The following ARL4A variants were observed in gnomAD, a reference collection of about 807,000 sequenced individuals.
ARL4A encodes ADP-ribosylation factor-like protein 4A.
In ARL4A, 5 loss-of-function variants were observed where a neutral mutation model predicts 13.9. The ratio of observed to expected loss-of-function variants is 0.36; its 90% confidence interval spans 0.19 to 0.75. ARL4A has a LOEUF of 0.75. Ranked by LOEUF, ARL4A falls within the 30% of genes least tolerant of loss-of-function variation. The probability of loss-of-function intolerance (pLI) is 0.53; values close to 1 mark genes in which losing one functional copy is unlikely to be tolerated. For missense variants in ARL4A, 147 were observed against 225.8 expected (o/e 0.65, Z 2.24); for synonymous variants, 77 against 84.4 (o/e 0.91, Z 0.48).
rs1465647107 is a variant in ARL4A, at chr7:12,690,767, G to A, written c.*1910G>A. On this transcript the variant is annotated 3_prime_UTR_variant, in exon 2 of 2. Transcript: ENST00000651779. The stretch of plus-strand genomic sequence containing the variant: ...ATTTACCAGTTTGCCTGTACTTTCT[G>A]TCTACCTACTATGTAAAATAGTGCT... The A allele has an allele frequency of 1.2e-5, 2 of 166,208 alleles. No homozygotes were observed. Among genetic ancestry groups the A allele is most frequent in the Admixed American group, 6.6e-5 (1 of 15,210 alleles). The allele number at this position is 166,208 out of a possible 1,614,324, so 10.3% of individuals were successfully genotyped here.
rs397889566 is a variant in ARL4A, at chr7:12,690,638, T to TTC, written c.*1781_*1782insTC. ...GCATTGAAGGCTGTTTTTTTTTTTTTCTCCCTTCACTGATACTGAAATCAT... is the reference window on the plus strand; with the variant it reads ...GCATTGAAGGCTGTTTTTTTTTTTTTTCCTCCCTTCACTGATACTGAAATCAT... On this transcript the variant is annotated 3_prime_UTR_variant, in exon 2 of 2. Coordinates refer to ENST00000651779, the MANE Select transcript of ARL4A (RefSeq NM_005738.5). 5 of 162,102 alleles carry TTC rather than the reference T, an allele frequency of 3.1e-5. No individual in the cohort carries two copies. The highest frequency in any genetic ancestry group is 3.4e-3 in the Middle Eastern group (1 of 296). The allele number at this position is 162,102 out of a possible 1,614,324, so 10.0% of individuals were successfully genotyped here.
rs549318974 is a variant in ARL4A, at chr7:12,690,502, A to C, written c.*1645A>C. The C allele has an allele frequency of 4.8e-5, 8 of 166,998 alleles. No homozygotes were observed. In the East Asian group the frequency reaches 1.5e-3, roughly 32 times the overall value. 10.3% of individuals were successfully genotyped at this position (166,998 alleles called of 1,614,324 possible). A position where few individuals can be genotyped will look rare whatever the true frequency, so the allele number is the denominator to read the frequency against. On this transcript the variant is annotated 3_prime_UTR_variant, in exon 2 of 2. Coordinates refer to ENST00000651779, the MANE Select transcript of ARL4A (RefSeq NM_005738.5). Reference sequence around the variant, plus strand: ...ACTAGGAGAACAGTATTTGACTTTGAATTTTAATGTATTTCCACTTTTGCT... The same window carrying C: ...ACTAGGAGAACAGTATTTGACTTTGCATTTTAATGTATTTCCACTTTTGCT...
Position 12,689,947 on chromosome 7 carries a change from C to CT in ARL4A, c.*1093dup, listed in dbSNP as rs1784591080. The CT allele has an allele frequency of 6.0e-6, 1 of 166,966 alleles. No individual in the cohort carries two copies. The highest frequency in any genetic ancestry group is 1.5e-5 in the Non-Finnish European group (1 of 68,096). The allele number at this position is 166,966 out of a possible 1,614,324, so 10.3% of individuals were successfully genotyped here. ...AAAGATAACCTGTATGTGTTCCGAG[C>CT]TTTAATTTTTTGTTTACAAATTGAA... On this transcript the variant is annotated 3_prime_UTR_variant, in exon 2 of 2. Transcript: ENST00000651779.
At position 12,688,237 on chromosome 7, in the gene ARL4A, A is replaced by G. The variant is rs760922969; in HGVS notation, c.-18A>G. ...AGAGAAAAGCATTTCAATTTGGGAC[A>G]TTTATTTGCACCTGGAAATGGGGAA... On this transcript the variant is annotated 5_prime_UTR_variant, in exon 2 of 2. Coordinates refer to ENST00000651779, the MANE Select transcript of ARL4A (RefSeq NM_005738.5). This position sits in a 1 kb window ranked among gnomAD's most constrained non-coding sequence, Gnocchi z 5.2. 2 of 1,540,022 alleles carry G rather than the reference A, an allele frequency of 1.3e-6. No individual in the cohort carries two copies. The highest frequency in any genetic ancestry group is 4.2e-5 in the Admixed American group (2 of 47,180).
rs1463671409 is a variant in ARL4A at position 12,689,315 on chromosome 7, T to C, written c.*458T>C. The C allele has an allele frequency of 5.9e-6, 1 of 170,596 alleles. No homozygotes were observed. The highest frequency in any genetic ancestry group is 2.4e-5 in the African/African-American group (1 of 41,494). The allele number at this position is 170,596 out of a possible 1,614,324, so 10.6% of individuals were successfully genotyped here. ...CATATATGCAGTTATATTGATCACA[T>C]TGGTCCAACCAGTCCTTTTTTGAAG... On this transcript the variant is annotated 3_prime_UTR_variant, in exon 2 of 2. Transcript: ENST00000651779.
chr7:12,688,440 C>G lies in ARL4A; in HGVS notation c.186C>G (p.Thr62=). The stretch of plus-strand genomic sequence containing the variant: ...TTAACACTGAGAAAATTAAGGTAAC[C>G]TTGGGAAATTCTAAAACAGTCACTT... ...KGFNTEKIKV[T]LGNSKTVTFH... is the part of the protein sequence containing the mutation. Residue 62 remains threonine, a synonymous_variant, in exon 2 of 2, where the codon ACC becomes ACG. Coordinates refer to ENST00000651779, the MANE Select transcript of ARL4A (RefSeq NM_005738.5). The surrounding 1 kb of genome is among the most constrained non-coding windows in gnomAD (Gnocchi z 5.2). 6.2e-7 allele frequency: 1 copy of G among 1,613,270 alleles called. No individual in the cohort carries two copies. The highest frequency in any genetic ancestry group is 1.1e-5 in the South Asian group (1 of 91,028).
rs1583346125 is a variant in ARL4A, at chr7:12,690,513, A to T, written c.*1656A>T. On this transcript the variant is annotated 3_prime_UTR_variant, in exon 2 of 2. Coordinates refer to ENST00000651779, the MANE Select transcript of ARL4A (RefSeq NM_005738.5). The stretch of plus-strand genomic sequence containing the variant: ...AGTATTTGACTTTGAATTTTAATGT[A>T]TTTCCACTTTTGCTGAAGCTTTTAA... The T allele has an allele frequency of 6.0e-6, 1 of 166,768 alleles. No individual in the cohort carries two copies. Among genetic ancestry groups the T allele is most frequent in the East Asian group, 1.9e-4 (1 of 5,182 alleles). The allele number at this position is 166,768 out of a possible 1,614,324, so 10.3% of individuals were successfully genotyped here. A position where few individuals can be genotyped will look rare whatever the true frequency, so the allele number is the denominator to read the frequency against.
In ARL4A at chr7:12,690,920, A is replaced by G; in HGVS notation, c.*2063A>G. On this transcript the variant is annotated 3_prime_UTR_variant, in exon 2 of 2. Transcript: ENST00000651779. ...AGAAAATGGTATGAACACTGTACAA[A>G]CTTTGATTTATAAAAGACAATTTCA... is the stretch of plus-strand genomic sequence containing the variant. The G allele has an allele frequency of 6.0e-6, 1 of 166,036 alleles. No individual in the cohort carries two copies. 10.3% of individuals were successfully genotyped at this position (166,036 alleles called of 1,614,324 possible). A position where few individuals can be genotyped will look rare whatever the true frequency, so the allele number is the denominator to read the frequency against.
chr7:12,687,395 T>C (rs1306280293), upstream of ARL4A: 1 of 152,206 alleles, frequency 6.6e-6, no homozygotes, highest in Non-Finnish European at 1.5e-5. The surrounding 1 kb of genome is among the most constrained non-coding windows in gnomAD (Gnocchi z 5.6). Context: ...GCTGCTCGGC[T>C]CCCTCTGGGA....
At position 12,688,142 on chromosome 7, in the gene ARL4A, C is replaced by T. The variant is rs560752927; in HGVS notation, c.-89-24C>T. The stretch of plus-strand genomic sequence containing the variant: ...TTAATGTATTATTTCGGGAGAATAA[C>T]TTATTCCTTCTTCCGTCTCCCAGCA... On this transcript the variant is annotated intron_variant, in intron 1 of 1. Transcript: ENST00000651779. The surrounding 1 kb of genome is among the most constrained non-coding windows in gnomAD (Gnocchi z 5.2). 2.3e-5 allele frequency: 33 copies of T among 1,429,260 alleles called. No homozygotes were observed. In the South Asian group the frequency reaches 4.6e-4, roughly 20 times the overall value. The allele number at this position is 1,429,260 out of a possible 1,614,324, so 88.5% of individuals were successfully genotyped here.
rs1391898695 is a variant in ARL4A at position 12,687,768 on chromosome 7, G to T, written c.-90+40G>T. The T allele has an allele frequency of 6.4e-5, 10 of 155,350 alleles. 1 individual carries two copies. Among genetic ancestry groups the T allele is most frequent in the Non-Finnish European group, 1.4e-5 (1 of 69,878 alleles). 9.6% of individuals were successfully genotyped at this position (155,350 alleles called of 1,614,324 possible). A position where few individuals can be genotyped will look rare whatever the true frequency, so the allele number is the denominator to read the frequency against. ...ATTTTGCAAGGGGTAGGAGGTAATA[G>T]TGATCTTGGGTATGCTGTTAAGCAT... is the stretch of plus-strand genomic sequence containing the variant. On this transcript the variant is annotated intron_variant, in intron 1 of 1. Transcript: ENST00000651779. The surrounding 1 kb of genome is among the most constrained non-coding windows in gnomAD (Gnocchi z 5.6).
rs904561716 is a variant in ARL4A, at chr7:12,690,166, CACTT to C, written c.*1314_*1317del. On this transcript the variant is annotated 3_prime_UTR_variant, in exon 2 of 2. Coordinates refer to ENST00000651779, the MANE Select transcript of ARL4A (RefSeq NM_005738.5). ...CCTTTATCTAATTCTTATCTACAGACACTTACTTCCAGTGACCATATTTTACTAA... is the reference window on the plus strand; with the variant it reads ...CCTTTATCTAATTCTTATCTACAGACACTTCCAGTGACCATATTTTACTAA... 7.2e-5 allele frequency: 12 copies of C among 167,130 alleles called. No individual in the cohort carries two copies. Among genetic ancestry groups the C allele is most frequent in the African/African-American group, 2.6e-4 (11 of 41,578 alleles). The allele number at this position is 167,130 out of a possible 1,614,324, so 10.4% of individuals were successfully genotyped here.
rs1176922379 is a variant in ARL4A at position 12,689,890 on chromosome 7, A to G, written c.*1033A>G. ...GTTGAGAAGAGCAAAAGCTTTATAA[A>G]TATACCTGATGCGCTGTAGAATGAA... On this transcript the variant is annotated 3_prime_UTR_variant, in exon 2 of 2. Transcript: ENST00000651779. 1 of 167,016 alleles carries G rather than the reference A, an allele frequency of 6.0e-6. No homozygotes were observed. Among genetic ancestry groups the G allele is most frequent in the Non-Finnish European group, 1.5e-5 (1 of 68,110 alleles). 10.3% of individuals were successfully genotyped at this position (167,016 alleles called of 1,614,324 possible). A position where few individuals can be genotyped will look rare whatever the true frequency, so the allele number is the denominator to read the frequency against.
At position 12,688,659 on chromosome 7, in the gene ARL4A, A is replaced by G. The variant is rs554001214; in HGVS notation, c.405A>G (p.Lys135=). Residue 135 remains lysine, a synonymous_variant, in exon 2 of 2, where the codon AAA becomes AAG. Coordinates refer to ENST00000651779, the MANE Select transcript of ARL4A (RefSeq NM_005738.5). This position sits in a 1 kb window ranked among gnomAD's most constrained non-coding sequence, Gnocchi z 5.2. ...QGVPVLIVAN[K]QDLRNSLSLS... The stretch of plus-strand genomic sequence containing the variant: ...TCCCTGTACTTATAGTTGCTAACAA[A>G]CAAGATTTGAGGAACTCATTGTCAC... 20 of 1,613,950 alleles carry G rather than the reference A, an allele frequency of 1.2e-5. No homozygotes were observed. In the Admixed American group the frequency reaches 2.0e-4, roughly 16 times the overall value.
At chr7:12,687,530 C>G (rs927122283), upstream of ARL4A, 3 of 152,870 alleles carry the variant, frequency 2.0e-5, no homozygotes, top group Admixed American at 6.5e-5. The surrounding 1 kb of genome is among the most constrained non-coding windows in gnomAD (Gnocchi z 5.6). Context: ...AGTTGCATGG[C>G]TTCCCTGATG....
chr7:12,688,180 G>C lies in ARL4A; in HGVS notation c.-75G>C. The C allele has an allele frequency of 1.3e-6, 2 of 1,505,064 alleles. No homozygotes were observed. The highest frequency in any genetic ancestry group is 1.8e-4 in the Middle Eastern group (1 of 5,576). 93.2% of individuals were successfully genotyped at this position (1,505,064 alleles called of 1,614,324 possible). ...CCGTCTCCCAGCAGTCTTATAGCTGGATCAGCTACCAAGAGAAGTTGTAAA... is the reference window on the plus strand; with the variant it reads ...CCGTCTCCCAGCAGTCTTATAGCTGCATCAGCTACCAAGAGAAGTTGTAAA... On this transcript the variant is annotated 5_prime_UTR_variant, in exon 2 of 2. Coordinates refer to ENST00000651779, the MANE Select transcript of ARL4A (RefSeq NM_005738.5). The surrounding 1 kb of genome is among the most constrained non-coding windows in gnomAD (Gnocchi z 5.2).
At position 12,688,875 on chromosome 7, in the gene ARL4A, A is replaced by T. The variant is rs1385770996; in HGVS notation, c.*18A>T. 6.3e-7 allele frequency: 1 copy of T among 1,585,880 alleles called. No individual in the cohort carries two copies. The highest frequency in any genetic ancestry group is 1.8e-5 in the Admixed American group (1 of 55,492). ...AAAGATGAATATCAATACCTATTAT[A>T]TCTGTGTGGAGTAGGTTTTCTCTGG... On this transcript the variant is annotated 3_prime_UTR_variant, in exon 2 of 2. Transcript: ENST00000651779. The surrounding 1 kb of genome is among the most constrained non-coding windows in gnomAD (Gnocchi z 5.2).
Position 12,687,921 on chromosome 7 carries a change from T to TG in ARL4A, c.-90+197dup, listed in dbSNP as rs1442313030. 1.3e-5 allele frequency among the ~76,000 whole-genome samples: 2 copies of TG among 152,098 alleles called. No homozygotes were observed. The highest frequency in any genetic ancestry group is 4.8e-5 in the African/African-American group (2 of 41,446). On this transcript the variant is annotated intron_variant, in intron 1 of 1. Coordinates refer to ENST00000651779, the MANE Select transcript of ARL4A (RefSeq NM_005738.5). This position sits in a 1 kb window ranked among gnomAD's most constrained non-coding sequence, Gnocchi z 5.6. ...TTTCCAGAATGAGGTCTTTGAGGTT[T>TG]GGGGACCCAGGAGAAAAACGTACAT...
upstream of ARL4A, chr7:12,687,056 G>A (rs1292716256): frequency 1.3e-5 from 2 of 152,758 alleles, no homozygotes; most frequent in African/African-American, 4.8e-5. The surrounding 1 kb of genome is among the most constrained non-coding windows in gnomAD (Gnocchi z 5.6). Flanking sequence ...GAGCCGCGGC[G>A]GGGTGGGCGG....
Sources: allele counts gnomAD v4.1 joint callset (sites outside exome capture counted in the v4.1 genomes callset), GRCh38; gene constraint gnomAD v4.1.1; non-coding constraint Gnocchi (gnomAD v3.1); transcripts MANE v1.5; gene names NCBI Gene and HGNC (gene_info 2026-07-23, HGNC 2026-07-21).